Variants in OMA1 observed in about 807,000 individuals in gnomAD.
OMA1 encodes the protein OMA1 zinc metallopeptidase, also known as metalloendopeptidase OMA1, mitochondrial.
In OMA1, 38 loss-of-function variants were observed where a neutral mutation model predicts 30.9. The observed-to-expected ratio is 1.23, with a 90% CI of 0.95 to 1.61. The LOEUF is 1.61. OMA1 is among the 40% of genes most tolerant of loss of function. OMA1 has a pLI of 0.00. For missense variants in OMA1, 461 were observed against 349.2 expected, an observed-to-expected ratio of 1.32 and a Z score of -2.55; for synonymous variants, 173 against 121.9, an observed-to-expected ratio of 1.42 and a Z score of -2.76.
At chr1:58,493,349 A>G (rs541452712) in intron 8 of OMA1, among the ~76,000 whole-genome samples, 15 of 152,312 alleles carry the variant, frequency 9.8e-5, no homozygotes, top group Non-Finnish European at 1.6e-4. Context: ...CCCTTTGAAA[A>G]CTGGCACAAG....
At chr1:58,519,525 AG>A (rs1183795377) in intron 7 of OMA1, among the ~76,000 whole-genome samples, 1 of 152,164 alleles carries the variant, frequency 6.6e-6, no homozygotes, top group Non-Finnish European at 1.5e-5. Context: ...GAATGAGTGA[AG>A]AGATCTGCTA....
At chr1:58,487,604 C>G (rs1249888958) in intron 8 of OMA1, among the ~76,000 whole-genome samples, 2 of 152,006 alleles carry the variant, frequency 1.3e-5, no homozygotes, top group Admixed American at 1.3e-4. Context: ...GGCTAGGCGT[C>G]CTTTTCTTTG....
chr1:58,499,167 T>G (rs1645854522), intron 8 of OMA1, among the ~76,000 whole-genome samples: 1 of 151,674 alleles, frequency 6.6e-6, no homozygotes, highest in Non-Finnish European at 1.5e-5. Context: ...CACTTATATA[T>G]GGAATCTAAA....
At position 58,508,380 on chromosome 1, in the gene OMA1, T is replaced by C. The variant is rs76635821; in HGVS notation, c.1216-2171A>G. On this transcript the variant is annotated intron_variant, in intron 7 of 8. Coordinates refer to ENST00000371226, the MANE Select transcript of OMA1 (RefSeq NM_145243.5). Reference sequence around the variant, plus strand: ...ACGCCCTAAACCCTCCTTCCCCACATGAACACACTGATTCAACGATAATAT... The same window carrying C: ...ACGCCCTAAACCCTCCTTCCCCACACGAACACACTGATTCAACGATAATAT... Among the ~76,000 whole-genome samples, 1,284 of 152,296 alleles carry C rather than the reference T, an allele frequency of 8.4e-3. 15 individuals carry two copies. The highest frequency in any genetic ancestry group is 0.029 in the African/African-American group (1,201 of 41,564).
intron 7 of OMA1, among the ~76,000 whole-genome samples, chr1:58,511,892 C>G (rs572270951): frequency 2.6e-5 from 4 of 151,560 alleles, no homozygotes; most frequent in Non-Finnish European, 4.4e-5. Flanking sequence ...ACCAAAAGCA[C>G]GGGAAACAAA....
At chr1:58,514,356 G>T (rs1191108271) in intron 7 of OMA1, among the ~76,000 whole-genome samples, 1 of 152,102 alleles carries the variant, frequency 6.6e-6, no homozygotes, top group East Asian at 1.9e-4. Flanking sequence ...CAATACTAGA[G>T]AAATATGTAT....
chr1:58,522,763 T>C (rs1400278115), intron 7 of OMA1, among the ~76,000 whole-genome samples: 1 of 152,144 alleles, frequency 6.6e-6, no homozygotes, highest in Non-Finnish European at 1.5e-5. Context: ...ATTCTTACAA[T>C]AAAATAAGCT....
rs141059401 is a variant in OMA1 at position 58,506,080 on chromosome 1, A to G, written c.1345T>C (p.Leu449=). 5.1e-4 allele frequency: 443 copies of G among 871,448 alleles called. 1 individual carries two copies. The African/African-American group carries it at 5.6e-3, about 11-fold the overall frequency. The allele number at this position is 871,448 out of a possible 1,614,324, so 54.0% of individuals were successfully genotyped here. The stretch of plus-strand genomic sequence containing the variant: ...CTCACCTGAGGTATAAGTCTATCCA[A>G]GTACTCAACTCGATTGCCATGAGAA... ...HPSHGNRVEY[L]DRLIPQALKI... is the part of the protein sequence containing the mutation. Residue 449 remains leucine (L), a synonymous_variant, in exon 8 of 9, where the codon TTG becomes CTG. Transcript: ENST00000371226.
chr1:58,481,727 G>A (rs1323025583), intron 8 of OMA1, among the ~76,000 whole-genome samples: 1 of 152,166 alleles, frequency 6.6e-6, no homozygotes, highest in Non-Finnish European at 1.5e-5. Context: ...AATCATGGAG[G>A]TGGGTGTTTC....
At position 58,534,917 on chromosome 1, in the gene OMA1, G is replaced by A. The variant is rs146042659; in HGVS notation, c.730-586C>T. On this transcript the variant is annotated intron_variant, in intron 3 of 8. Coordinates refer to ENST00000371226, the MANE Select transcript of OMA1 (RefSeq NM_145243.5). ...CGCCACTGCACTCCAACACCAACCT[G>A]GGTGACAGAGGGAGATCCCATCTCA... Among the ~76,000 whole-genome samples the A allele has an allele frequency of 5.4e-3, 823 of 152,292 alleles. 6 individuals are homozygous for A. The highest frequency in any genetic ancestry group is 0.019 in the African/African-American group (790 of 41,558).
chr1:58,497,334 C>T (rs979148080), intron 8 of OMA1, among the ~76,000 whole-genome samples: 4 of 152,254 alleles, frequency 2.6e-5, no homozygotes, highest in African/African-American at 9.6e-5. Flanking sequence ...AACAGGCCAA[C>T]TGTAACACTG....
At chr1:58,509,410 AG>A (rs1646037781) in intron 7 of OMA1, among the ~76,000 whole-genome samples, 1 of 152,022 alleles carries the variant, frequency 6.6e-6, no homozygotes, top group East Asian at 1.9e-4. Flanking sequence ...CTATGGGTCA[AG>A]GAAAAAAAAA....
At chr1:58,511,955 CAG>C (rs945678539) in intron 7 of OMA1, among the ~76,000 whole-genome samples, 2 of 152,028 alleles carry the variant, frequency 1.3e-5, no homozygotes, top group African/African-American at 4.8e-5. Flanking sequence ...GCTAAGGAAA[CAG>C]AGTGAAAGGC....
rs777331074 is a variant in OMA1, at chr1:58,506,121, C to T, written c.1304G>A (p.Trp435Ter). The T allele has an allele frequency of 5.7e-6, 5 of 871,680 alleles. No homozygotes were observed. The highest frequency in any genetic ancestry group is 5.1e-5 in the Admixed American group (3 of 59,114). The allele number at this position is 871,680 out of a possible 1,614,324, so 54.0% of individuals were successfully genotyped here. The change falls in exon 8 of 9, where the codon TGG (tryptophan) becomes TAG (stop). Residue 435 changes from tryptophan (W) to a stop codon, truncating the protein, a stop_gained. Coordinates refer to ENST00000371226, the MANE Select transcript of OMA1 (RefSeq NM_145243.5). LOFTEE classifies it high-confidence loss of function. Reference sequence around the variant, plus strand: ...GCCATGAGAAGGGTGTGTAGATAACCATTCTGGCATCTTGGGTTGGCCATG... The same window carrying T: ...GCCATGAGAAGGGTGTGTAGATAACTATTCTGGCATCTTGGGTTGGCCATG... ...SLHGQPKMPEWLSTHPSHGNR... is the reference protein window; with the variant it reads ...SLHGQPKMPE
intron 8 of OMA1, 91 bp downstream of exon 8, chr1:58,505,969 G>C: frequency 1.4e-6 from 1 of 705,502 alleles, no homozygotes; most frequent in South Asian, 2.0e-5. Context: ...TAATAGGCTA[G>C]AACTCTCTTT....
intron 7 of OMA1, among the ~76,000 whole-genome samples, chr1:58,509,717 T>C (rs1646044888): frequency 6.6e-6 from 1 of 151,282 alleles, no homozygotes; most frequent in Non-Finnish European, 1.5e-5. Context: ...CTAAGAGCTT[T>C]TTGGGGAAAG....
intron 8 of OMA1, among the ~76,000 whole-genome samples, chr1:58,505,291 C>T (rs1415151863): frequency 1.3e-5 from 2 of 152,134 alleles, no homozygotes; most frequent in African/African-American, 4.8e-5. Context: ...AGCACATGGC[C>T]CAGTACCAAT....
chr1:58,515,292 T>C (rs1646142260), intron 7 of OMA1, among the ~76,000 whole-genome samples: 1 of 152,200 alleles, frequency 6.6e-6, no homozygotes, highest in South Asian at 2.1e-4. Flanking sequence ...AGAGAAAACT[T>C]ATCAAAAATA....
At chr1:58,503,301 C>T (rs1300790964) in intron 8 of OMA1, among the ~76,000 whole-genome samples, 1 of 152,124 alleles carries the variant, frequency 6.6e-6, no homozygotes, top group Non-Finnish European at 1.5e-5. Context: ...GCACAAAGGA[C>T]CCTCTTATAG....
Sources: allele counts gnomAD v4.1 joint callset (sites outside exome capture counted in the v4.1 genomes callset), GRCh38; gene constraint gnomAD v4.1.1; transcripts MANE v1.5; gene names NCBI Gene and HGNC (gene_info 2026-07-23, HGNC 2026-07-21).